CIROZ: variants seen among roughly 807,000 people sequenced by gnomAD.
The protein encoded by CIROZ is ciliated left-right organizer protein containing ZP-N domains.
chr1:10,980,259 C>T, the CIROZ span, among the ~76,000 whole-genome samples: 1 of 152,222 alleles, frequency 6.6e-6, no homozygotes, highest in Non-Finnish European at 1.5e-5. Context: ...GACTGGTTCC[C>T]CAGCCTGGAA....
the CIROZ span, among the ~76,000 whole-genome samples, chr1:10,960,048 C>G: frequency 6.6e-6 from 1 of 152,084 alleles, no homozygotes; most frequent in Non-Finnish European, 1.5e-5. The surrounding 1 kb of genome is among the most constrained non-coding windows in gnomAD (Gnocchi z 4.6). Context: ...ACAGAGAGGC[C>G]CCCAGAGGCC....
the CIROZ span, among the ~76,000 whole-genome samples, chr1:10,967,518 C>T: frequency 6.6e-6 from 1 of 152,356 alleles, no homozygotes; most frequent in East Asian, 1.9e-4. Flanking sequence ...TCATTGTCTT[C>T]TAACCAACTA....
At chr1:10,947,738 G>C in the CIROZ span, 1 of 1,579,008 alleles carries the variant, frequency 6.3e-7, no homozygotes, top group Non-Finnish European at 8.6e-7. Context: ...CAGCACTGAG[G>C]GCCAAGGTGG....
chr1:10,954,083 G>C, the CIROZ span: 1 of 1,613,748 alleles, frequency 6.2e-7, no homozygotes. Context: ...CAAATTCCAG[G>C]CTCAGGTCTA....
At chr1:10,954,279 C>T in the CIROZ span, 1 of 998,558 alleles carries the variant, frequency 1.0e-6, no homozygotes, top group South Asian at 1.8e-5. Context: ...ACAGTGAAAC[C>T]CTGTCTCTAC....
the CIROZ span, among the ~76,000 whole-genome samples, chr1:10,980,666 C>T: frequency 2.0e-5 from 3 of 152,218 alleles, no homozygotes; most frequent in Non-Finnish European, 1.5e-5. Context: ...TGTCTGGAAT[C>T]GGCCCGGTGG....
At chr1:10,966,541 G>A in the CIROZ span, 13 of 1,462,774 alleles carry the variant, frequency 8.9e-6, no homozygotes, top group Non-Finnish European at 9.9e-6. Context: ...TTCTCTGGCA[G>A]GGTCAGAAAT....
the CIROZ span, among the ~76,000 whole-genome samples, chr1:10,974,317 C>G: frequency 0.31 from 47,140 of 151,642 alleles, 8,635 homozygotes; most frequent in African/African-American, 0.52. The surrounding 1 kb of genome is among the most constrained non-coding windows in gnomAD (Gnocchi z 4.4). Flanking sequence ...AGGACGGCCA[C>G]AGGAAGACGA....
chr1:10,963,295 AG>A, the CIROZ span, among the ~76,000 whole-genome samples: 1 of 152,124 alleles, frequency 6.6e-6, no homozygotes, highest in Non-Finnish European at 1.5e-5. Flanking sequence ...AGGCTGAGGC[AG>A]GAGAATCGCT....
the CIROZ span, among the ~76,000 whole-genome samples, chr1:10,974,670 G>A: frequency 6.6e-6 from 1 of 152,130 alleles, no homozygotes; most frequent in African/African-American, 2.4e-5. This position sits in a 1 kb window ranked among gnomAD's most constrained non-coding sequence, Gnocchi z 4.4. Context: ...TCAGGCAAAG[G>A]TGCCAGCGGC....
At chr1:10,969,420 TG>T in the CIROZ span, among the ~76,000 whole-genome samples, 1 of 152,108 alleles carries the variant, frequency 6.6e-6, no homozygotes, top group African/African-American at 2.4e-5. Context: ...TGCCCCTTGT[TG>T]TTTGCTATTT....
the CIROZ span, chr1:10,970,173 G>A: frequency 8.2e-7 from 1 of 1,224,460 alleles, no homozygotes; most frequent in Non-Finnish European, 1.1e-6. Flanking sequence ...AGGAAGGAAG[G>A]AAGGAAAAGA....
chr1:10,970,238 G>T, the CIROZ span: 1 of 743,756 alleles, frequency 1.3e-6, no homozygotes, highest in Non-Finnish European at 2.1e-6. Context: ...GCATGTAGGG[G>T]TCATATTGTC....
the CIROZ span, chr1:10,969,837 A>T: frequency 3.1e-6 from 4 of 1,307,434 alleles, no homozygotes; most frequent in Non-Finnish European, 4.0e-6. Flanking sequence ...CTGTGGGGGG[A>T]GGTGGCCTTT....
chr1:10,948,991 A>C, the CIROZ span: 1 of 686,138 alleles, frequency 1.5e-6, no homozygotes, highest in Non-Finnish European at 2.1e-6. Context: ...ATAGGAGGCC[A>C]AGGCGGGTGG....
At chr1:10,954,463 A>AAAAAG in the CIROZ span, among the ~76,000 whole-genome samples, 40 of 141,638 alleles carry the variant, frequency 2.8e-4, no homozygotes, top group Non-Finnish European at 3.6e-4. Flanking sequence ...CAAAAAAAAA[A>AAAAAG]AAAAGAAAAG....
the CIROZ span, among the ~76,000 whole-genome samples, chr1:10,970,265 T>G: frequency 6.6e-6 from 1 of 151,706 alleles, no homozygotes; most frequent in South Asian, 2.1e-4. Flanking sequence ...GAGTGACCCT[T>G]TACTCCATAC....
chr1:10,981,997 A>C, the CIROZ span: 1 of 1,537,176 alleles, frequency 6.5e-7, no homozygotes. Context: ...CAATTCCTGA[A>C]TAAGGGACAC....
the CIROZ span, among the ~76,000 whole-genome samples, chr1:10,978,925 G>GGGTGCA: frequency 6.6e-6 from 1 of 152,220 alleles, no homozygotes; most frequent in South Asian, 2.1e-4. Context: ...GTGCAGGCTG[G>GGGTGCA]GGTTTTACCA....
Sources: allele counts gnomAD v4.1 joint callset (sites outside exome capture counted in the v4.1 genomes callset), GRCh38; gene constraint gnomAD v4.1.1; non-coding constraint Gnocchi (gnomAD v3.1); transcripts MANE v1.5; gene names NCBI Gene and HGNC (gene_info 2026-07-23, HGNC 2026-07-21).